The following TMCC1 variants were observed in gnomAD, a reference collection of about 807,000 sequenced individuals.
The protein encoded by TMCC1 is transmembrane and coiled-coil domains protein 1.
In TMCC1, 15 loss-of-function variants were observed where a neutral mutation model predicts 52.4. That is an observed-to-expected ratio of 0.29 (90% CI 0.19 to 0.44). The LOEUF (loss-of-function observed/expected upper bound fraction) is 0.44. Ranked by LOEUF, TMCC1 falls within the 20% of genes least tolerant of loss-of-function variation. The pLI is 1.00. For missense variants in TMCC1, 503 were observed against 806.0 expected (o/e 0.62, Z 4.55); for synonymous variants, 279 against 301.9 (o/e 0.92, Z 0.79).
chr3:129,737,452 C>G (rs1294454303), intron 4 of TMCC1, among the ~76,000 whole-genome samples: 1 of 151,962 alleles, frequency 6.6e-6, no homozygotes, highest in Non-Finnish European at 1.5e-5. Flanking sequence ...TGCACTCCAG[C>G]CTGGGCAACA....
chr3:129,685,833 C>CA (rs1409297347), intron 4 of TMCC1, among the ~76,000 whole-genome samples: 3 of 152,172 alleles, frequency 2.0e-5, no homozygotes, highest in African/African-American at 7.2e-5. Context: ...GATCTTCTTA[C>CA]ACTGTTCCAT....
chr3:129,813,569 T>A (rs2057941102), intron 4 of TMCC1, among the ~76,000 whole-genome samples: 1 of 152,144 alleles, frequency 6.6e-6, no homozygotes, highest in African/African-American at 2.4e-5. Context: ...TACCTCATGT[T>A]CTCACTTAAC....
chr3:129,771,466 C>A (rs2054567757), intron 4 of TMCC1, among the ~76,000 whole-genome samples: 1 of 151,992 alleles, frequency 6.6e-6, no homozygotes, highest in Admixed American at 6.6e-5. Flanking sequence ...AAGACTATCA[C>A]AGACACAGTT....
chr3:129,816,873 T>A (rs1047394821), intron 4 of TMCC1, among the ~76,000 whole-genome samples: 1 of 150,608 alleles, frequency 6.6e-6, no homozygotes. Context: ...AAAATAAAAA[T>A]AAAAAATAAG....
At chr3:129,788,174 T>C (rs997527776) in intron 4 of TMCC1, among the ~76,000 whole-genome samples, 1 of 152,140 alleles carries the variant, frequency 6.6e-6, no homozygotes, top group African/African-American at 2.4e-5. Flanking sequence ...AACCAACAGA[T>C]AGCTGTGTAC....
chr3:129,865,492 C>G (rs2060582410), intron 2 of TMCC1, among the ~76,000 whole-genome samples: 1 of 151,846 alleles, frequency 6.6e-6, no homozygotes, highest in Non-Finnish European at 1.5e-5. Context: ...TGTTTATAAC[C>G]AGAAAAAATA....
intron 2 of TMCC1, among the ~76,000 whole-genome samples, chr3:129,842,464 T>TA (rs897977217): frequency 1.2e-4 from 17 of 139,372 alleles, no homozygotes; most frequent in South Asian, 4.5e-4. Context: ...AGACTTTGTC[T>TA]AAAAAAAAAC....
intron 6 of TMCC1, among the ~76,000 whole-genome samples, chr3:129,653,502 G>A (rs890955403): frequency 5.3e-5 from 8 of 152,180 alleles, no homozygotes; most frequent in African/African-American, 1.9e-4. Flanking sequence ...AGAGTGCAGC[G>A]GCGCGATCTC....
intron 4 of TMCC1, among the ~76,000 whole-genome samples, chr3:129,767,296 T>C (rs896547256): frequency 1.3e-5 from 2 of 151,780 alleles, no homozygotes; most frequent in African/African-American, 2.4e-5. Flanking sequence ...GCATGCATTG[T>C]ATAATTTATC....
chr3:129,850,636 A>G (rs951256828), intron 2 of TMCC1, among the ~76,000 whole-genome samples: 1 of 152,192 alleles, frequency 6.6e-6, no homozygotes, highest in African/African-American at 2.4e-5. Flanking sequence ...ACCCTAACCC[A>G]GTGGAGCTAG....
At chr3:129,878,344 CTT>C in intron 2 of TMCC1, among the ~76,000 whole-genome samples, 1 of 152,272 alleles carries the variant, frequency 6.6e-6, no homozygotes, top group East Asian at 1.9e-4. Flanking sequence ...ACTTGTTTCT[CTT>C]TCTTTCAGTC....
intron 4 of TMCC1, among the ~76,000 whole-genome samples, chr3:129,697,737 A>G (rs900427565): frequency 9.2e-5 from 14 of 152,214 alleles, no homozygotes; most frequent in African/African-American, 2.9e-4. Context: ...AAAGTTCCAC[A>G]GATCCTTAGG....
rs773958502 is a variant in TMCC1 at position 129,648,759 on chromosome 3, C to T, written c.*2722G>A. Reference sequence around the variant, plus strand: ...CAGAACAACTGTTAAGCCATTAGAGCGAGGTTATAGAAGAGCTCTGACAAG... The same window carrying T: ...CAGAACAACTGTTAAGCCATTAGAGTGAGGTTATAGAAGAGCTCTGACAAG... On this transcript the variant is annotated 3_prime_UTR_variant, in exon 7 of 7. Coordinates refer to ENST00000393238, the MANE Select transcript of TMCC1 (RefSeq NM_001017395.5). 5.3e-5 allele frequency: 8 copies of T among 151,296 alleles called. No individual in the cohort carries two copies. Among genetic ancestry groups the T allele is most frequent in the African/African-American group, 9.7e-5 (4 of 41,138 alleles). The allele number at this position is 151,296 out of a possible 1,614,324, so 9.4% of individuals were successfully genotyped here. A position where few individuals can be genotyped will look rare whatever the true frequency, so the allele number is the denominator to read the frequency against.
At position 129,651,465 on chromosome 3, in the gene TMCC1, GC is replaced by G. The variant is rs1345806441; in HGVS notation, c.*15del. 1 of 1,607,952 alleles carries G rather than the reference GC, an allele frequency of 6.2e-7. No individual in the cohort carries two copies. The highest frequency in any genetic ancestry group is 1.1e-5 in the South Asian group (1 of 90,260). On this transcript the variant is annotated 3_prime_UTR_variant, in exon 7 of 7. Coordinates refer to ENST00000393238, the MANE Select transcript of TMCC1 (RefSeq NM_001017395.5). The surrounding 1 kb of genome is among the most constrained non-coding windows in gnomAD (Gnocchi z 5.1). ...CACTCGCCAGAGGGTAGGGAACAAT[GC>G]CTTCTGTGCCAGCATCATCTAGGGG... is the stretch of plus-strand genomic sequence containing the variant.
chr3:129,786,337 T>A (rs995851717), intron 4 of TMCC1, among the ~76,000 whole-genome samples: 1 of 152,172 alleles, frequency 6.6e-6, no homozygotes, highest in Non-Finnish European at 1.5e-5. Context: ...CCTGCAATAT[T>A]TTCCTCCTGT....
chr3:129,687,769 A>G (rs1483047993), intron 4 of TMCC1, among the ~76,000 whole-genome samples: 1 of 152,010 alleles, frequency 6.6e-6, no homozygotes, highest in Admixed American at 6.6e-5. Flanking sequence ...GCCTTCCTCC[A>G]CCTCCATACT....
At chr3:129,763,875 T>C (rs1431689726) in intron 4 of TMCC1, among the ~76,000 whole-genome samples, 7 of 151,718 alleles carry the variant, frequency 4.6e-5, no homozygotes, top group Non-Finnish European at 7.4e-5. Flanking sequence ...TCTTAGTTTT[T>C]ATTTAATATT....
At chr3:129,773,608 T>G (rs899384932) in intron 4 of TMCC1, among the ~76,000 whole-genome samples, 1 of 152,188 alleles carries the variant, frequency 6.6e-6, no homozygotes, top group African/African-American at 2.4e-5. Context: ...ATCAAGTTCA[T>G]AAATTAACAA....
At chr3:129,735,909 GTA>G (rs1204846835) in intron 4 of TMCC1, among the ~76,000 whole-genome samples, 1 of 152,128 alleles carries the variant, frequency 6.6e-6, no homozygotes, top group Non-Finnish European at 1.5e-5. Context: ...TGCGAACATG[GTA>G]GAAGCCTGCT....
Sources: allele counts gnomAD v4.1 joint callset (sites outside exome capture counted in the v4.1 genomes callset), GRCh38; gene constraint gnomAD v4.1.1; non-coding constraint Gnocchi (gnomAD v3.1); transcripts MANE v1.5; gene names NCBI Gene and HGNC (gene_info 2026-07-23, HGNC 2026-07-21).